Variants in NOD1 observed in about 807,000 individuals in gnomAD.
The protein encoded by NOD1 is nucleotide-binding oligomerization domain-containing protein 1.
A neutral mutation model predicts 81.2 loss-of-function variants in NOD1; 70 were observed. The ratio of observed to expected loss-of-function variants is 0.86; its 90% CI spans 0.71 to 1.05. The LOEUF (loss-of-function observed/expected upper bound fraction) is 1.05, where lower values mean the gene tolerates loss of function less well. NOD1 is among the 50% of genes least tolerant of loss of function. The pLI, the probability that NOD1 is intolerant of heterozygous loss-of-function variation, is 0.00. For synonymous variants in NOD1, 508 were observed against 526.9 expected, an observed-to-expected ratio of 0.96 and a Z score of 0.49; for missense variants, 1,233 against 1,228.0, an observed-to-expected ratio of 1.00 and a Z score of -0.06.
chr7:30,473,823 A>C (rs1037571613), intron 1 of NOD1, among the ~76,000 whole-genome samples: 17 of 152,202 alleles, frequency 1.1e-4, no homozygotes, highest in African/African-American at 4.1e-4. Flanking sequence ...GGTTAAGAAC[A>C]GGGACTCTGC....
At chr7:30,458,509 C>T (rs1439801732) in intron 3 of NOD1, among the ~76,000 whole-genome samples, 1 of 152,162 alleles carries the variant, frequency 6.6e-6, no homozygotes, top group African/African-American at 2.4e-5. Flanking sequence ...CCAAGTGGCA[C>T]ATGAGTCTCC....
intron 1 of NOD1, among the ~76,000 whole-genome samples, chr7:30,468,376 C>A (rs566900575): frequency 5.3e-5 from 8 of 152,218 alleles, no homozygotes; most frequent in Non-Finnish European, 1.2e-4. Flanking sequence ...AGGGGCCTCA[C>A]ATTTTCCTAA....
intron 1 of NOD1, among the ~76,000 whole-genome samples, chr7:30,476,454 C>G (rs558803062): frequency 6.6e-6 from 1 of 152,286 alleles, no homozygotes; most frequent in South Asian, 2.1e-4. Flanking sequence ...TTCCTCAGAT[C>G]CCTGACTGTC....
chr7:30,472,687 T>G (rs1389724568), intron 1 of NOD1, among the ~76,000 whole-genome samples: 1 of 152,252 alleles, frequency 6.6e-6, no homozygotes, highest in Non-Finnish European at 1.5e-5. Context: ...ATGGGATTAG[T>G]GCCCTTATAG....
intron 1 of NOD1, among the ~76,000 whole-genome samples, chr7:30,463,260 C>T (rs1787341431): frequency 6.6e-6 from 1 of 152,056 alleles, no homozygotes; most frequent in Non-Finnish European, 1.5e-5. Context: ...ATTACACTTC[C>T]ATGAAATTGA....
intron 3 of NOD1, 54 bp downstream of exon 3, chr7:30,459,098 C>G (rs543310258): frequency 2.0e-5 from 3 of 152,546 alleles, no homozygotes; most frequent in Non-Finnish European, 4.4e-5. Context: ...AAAATCGGTT[C>G]ATTTAAAGCA....
chr7:30,436,898 C>T (rs184543309), intron 10 of NOD1, among the ~76,000 whole-genome samples: 1 of 152,306 alleles, frequency 6.6e-6, no homozygotes, highest in African/African-American at 2.4e-5. Context: ...GATTATAAAT[C>T]ATTCTGCTAT....
At chr7:30,468,166 G>A (rs1291305377) in intron 1 of NOD1, among the ~76,000 whole-genome samples, 2 of 152,178 alleles carry the variant, frequency 1.3e-5, no homozygotes. Context: ...AAATCCCAGA[G>A]CCACAAGAAA....
chr7:30,438,900 T>G (rs59097524), intron 9 of NOD1, among the ~76,000 whole-genome samples: 1,783 of 152,296 alleles, frequency 0.012, 32 homozygotes, highest in African/African-American at 0.041. Flanking sequence ...TTAACAAGAA[T>G]CATTTTCTGA....
At position 30,455,590 on chromosome 7, in the gene NOD1, CTTTT is replaced by C. The variant is rs34626585; in HGVS notation, c.202-283_202-280del. Among the ~76,000 whole-genome samples the C allele has an allele frequency of 1.9e-4, 27 of 143,106 alleles. No homozygotes were observed. The East Asian group carries it at 4.8e-3, about 25-fold the overall frequency. 93.9% of individuals were successfully genotyped at this position (143,106 alleles called of 152,430 possible). A position where few individuals can be genotyped will look rare whatever the true frequency, so the allele number is the denominator to read the frequency against. Reference sequence around the variant, plus strand: ...CAAATAGCCATGGACTTCTCTACCTCTTTTTTTTTTTTTTCTTTTTTGAGACAGA... The same window carrying C: ...CAAATAGCCATGGACTTCTCTACCTCTTTTTTTTTTCTTTTTTGAGACAGA... On this transcript the variant is annotated intron_variant, in intron 4 of 13. Transcript: ENST00000222823.
chr7:30,425,889 C>G (rs948308076), intron 13 of NOD1, among the ~76,000 whole-genome samples, 179 bp from the exon 14 acceptor site: 1 of 152,204 alleles, frequency 6.6e-6, no homozygotes, highest in African/African-American at 2.4e-5. Flanking sequence ...TCCTCTCCAG[C>G]TGCCATCCCT....
At chr7:30,429,605 T>A in intron 12 of NOD1, 148 bp from the exon 13 acceptor site, 1 of 676,292 alleles carries the variant, frequency 1.5e-6, no homozygotes, top group Non-Finnish European at 2.6e-6. Context: ...TGGCTAAAAG[T>A]GTCCAGGTAA....
At chr7:30,476,382 G>A (rs941355149) in intron 1 of NOD1, among the ~76,000 whole-genome samples, 1 of 152,210 alleles carries the variant, frequency 6.6e-6, no homozygotes, top group Non-Finnish European at 1.5e-5. Context: ...CACAGAGCAC[G>A]TACCAGGGTA....
intron 11 of NOD1, among the ~76,000 whole-genome samples, chr7:30,435,271 G>C (rs1784284207): frequency 6.6e-6 from 1 of 152,174 alleles, no homozygotes; most frequent in African/African-American, 2.4e-5. Context: ...GGAGCATAAA[G>C]GCCAAACCCT....
intron 1 of NOD1, among the ~76,000 whole-genome samples, chr7:30,476,165 C>A (rs762351001): frequency 6.6e-6 from 1 of 152,202 alleles, no homozygotes; most frequent in East Asian, 1.9e-4. Flanking sequence ...TTAAATCCTA[C>A]GTTCATATCT....
intron 12 of NOD1, among the ~76,000 whole-genome samples, chr7:30,431,474 A>T (rs1783951754): frequency 6.6e-6 from 1 of 152,214 alleles, no homozygotes; most frequent in African/African-American, 2.4e-5. Flanking sequence ...CAGAACAGAG[A>T]ATTCAGAAAT....
Position 30,437,607 on chromosome 7 carries a change from C to T in NOD1, c.2503G>A (p.Ala835Thr). 1 of 1,510,958 alleles carries T rather than the reference C, an allele frequency of 6.6e-7. No individual in the cohort carries two copies. The highest frequency in any genetic ancestry group is 2.8e-5 in the Admixed American group (1 of 35,618). 93.6% of individuals were successfully genotyped at this position (1,510,958 alleles called of 1,614,324 possible). ...GTCAAGCTGGGGTGGTTCCGCAGAGCCTCTGCGAAGGCTTTTGCTCCTTCA... is the reference window on the plus strand; with the variant it reads ...GTCAAGCTGGGGTGGTTCCGCAGAGTCTCTGCGAAGGCTTTTGCTCCTTCA... ...GDEGAKAFAE[A>T]LRNHPSLTTL... The change falls in exon 10 of 14, where the codon GCT (alanine) becomes ACT (threonine). Residue 835 changes from alanine (A) to threonine (T), a missense_variant. Transcript: ENST00000222823.
At chr7:30,455,845 G>T (rs1284254959) in intron 4 of NOD1, among the ~76,000 whole-genome samples, 2 of 152,026 alleles carry the variant, frequency 1.3e-5, no homozygotes, top group Non-Finnish European at 2.9e-5. Context: ...TAGGTGATCT[G>T]CCTGCCTCGG....
rs776829576 is a variant in NOD1, at chr7:30,452,195, A to G, written c.1222T>C (p.Phe408Leu). 1 of 1,613,950 alleles carries G rather than the reference A, an allele frequency of 6.2e-7. No individual in the cohort carries two copies. Among genetic ancestry groups the G allele is most frequent in the Non-Finnish European group, 8.5e-7 (1 of 1,180,020 alleles). The change falls in exon 6 of 14, where the codon TTT (phenylalanine) becomes CTT (leucine). Residue 408 changes from phenylalanine (F) to leucine (L), a missense_variant. Coordinates refer to ENST00000222823, the MANE Select transcript of NOD1 (RefSeq NM_006092.4). ...TCGGGCAGCTGTGGTGAGCCTTCAA[A>G]GGCAGCACGGAAGTGCTGGAAGCAC... ...FRCFQHFRAA[F>L]EGSPQLPDCT...
Sources: gnomAD v4.1 joint callset for allele counts (sites outside exome capture counted in the v4.1 genomes callset) on GRCh38, gnomAD v4.1.1 for gene constraint, MANE v1.5 for transcripts, NCBI Gene and HGNC (gene_info 2026-07-23, HGNC 2026-07-21) for gene names.